ANKRD27: variants seen among roughly 807,000 people sequenced by gnomAD.
ANKRD27 encodes the protein ankyrin repeat domain-containing protein 27.
Under a neutral mutation model 129.7 loss-of-function variants are expected in ANKRD27, and 112 were observed. That is an observed-to-expected ratio of 0.86 (90% confidence interval 0.74 to 1.01). The LOEUF (loss-of-function observed/expected upper bound fraction) is 1.01. ANKRD27 is among the 50% of genes least tolerant of loss of function. The pLI is 0.00. For missense variants in ANKRD27, 1,258 were observed against 1,300.5 expected, an observed-to-expected ratio of 0.97 and a Z score of 0.50; for synonymous variants, 516 against 511.2, an observed-to-expected ratio of 1.01 and a Z score of -0.13.
intron 1 of ANKRD27, among the ~76,000 whole-genome samples, chr19:32,663,784 T>A (rs259263): frequency 6.6e-6 from 1 of 151,886 alleles, no homozygotes; most frequent in African/African-American, 2.4e-5. Flanking sequence ...GGGCCGGGTG[T>A]GGTGGCTCAC....
chr19:32,649,653 C>A (rs1429692341), intron 3 of ANKRD27, 29 bp downstream of exon 3: 1 of 1,484,536 alleles, frequency 6.7e-7, no homozygotes, highest in African/African-American at 1.4e-5. Context: ...GAGTAGGTGA[C>A]CCTGGCTGAT....
intron 17 of ANKRD27, among the ~76,000 whole-genome samples, chr19:32,622,860 C>A (rs1158570943): frequency 1.3e-5 from 2 of 152,012 alleles, no homozygotes; most frequent in African/African-American, 2.4e-5. Context: ...TCACTGCAGC[C>A]TTGAACTCCT....
intron 20 of ANKRD27, among the ~76,000 whole-genome samples, chr19:32,618,076 T>C (rs60968670): frequency 0.53 from 80,749 of 151,568 alleles, 21,908 homozygotes; most frequent in Non-Finnish European, 0.57. Context: ...ATCCTGTAAA[T>C]GTGTCCCTAA....
intron 13 of ANKRD27, 131 bp downstream of exon 13, chr19:32,631,271 G>T: frequency 1.3e-6 from 1 of 776,898 alleles, no homozygotes; most frequent in Non-Finnish European, 2.1e-6. Flanking sequence ...CACCCACCTC[G>T]GCCTCCCAAA....
chr19:32,608,170 A>ATTTT (rs3042665), intron 22 of ANKRD27, among the ~76,000 whole-genome samples: 1 of 140,226 alleles, frequency 7.1e-6, no homozygotes, highest in African/African-American at 2.8e-5. Context: ...TGCCCAGCTA[A>ATTTT]TTTTTTTTTT....
At chr19:32,623,763 C>G (rs1178803321) in intron 17 of ANKRD27, among the ~76,000 whole-genome samples, 1 of 151,954 alleles carries the variant, frequency 6.6e-6, no homozygotes, top group African/African-American at 2.4e-5. Flanking sequence ...GTTGGCCAGG[C>G]TGGTCTTGAA....
chr19:32,644,890 T>G (rs1007427407), intron 4 of ANKRD27, among the ~76,000 whole-genome samples: 1 of 152,186 alleles, frequency 6.6e-6, no homozygotes, highest in Non-Finnish European at 1.5e-5. Context: ...GGCTACTGCT[T>G]TGCATAACTC....
In ANKRD27 at chr19:32,643,463, C is replaced by A. The variant is rs761427536; in HGVS notation, c.607G>T (p.Ala203Ser). 1.2e-6 allele frequency: 2 copies of A among 1,613,800 alleles called. No individual in the cohort carries two copies. Among genetic ancestry groups the A allele is most frequent in the Admixed American group, 3.3e-5 (2 of 59,938 alleles). The change falls in exon 7 of 29, where the codon GCC becomes TCC. Residue 203 changes from alanine to serine, a missense_variant. Ala to Ser is a moderately conservative substitution (Grantham distance 99, BLOSUM62 1). Transcript: ENST00000306065. ...GCCTGCTTCATCAGGTTCATCTGGG[C>A]CTCCTGCTTGGCGAGCATTTTCTAG... is the stretch of plus-strand genomic sequence containing the variant. ...SHLKMLAKQE[A>S]QMNLMKQAVE...
chr19:32,638,322 T>G (rs1392130594), intron 12 of ANKRD27: 3 of 152,260 alleles, frequency 2.0e-5, no homozygotes, highest in African/African-American at 7.2e-5. Context: ...CAGGCCTCTT[T>G]AACTCGTCAG....
Position 32,597,876 on chromosome 19 carries a change from C to G in ANKRD27, c.*269G>C. On this transcript the variant is annotated 3_prime_UTR_variant, in exon 29 of 29. Transcript: ENST00000306065. Reference sequence around the variant, plus strand: ...ACAAACCCTCATACTTAAAAAGAAGCATGCACCTCTGGCTTAAGGATCTGG... The same window carrying G: ...ACAAACCCTCATACTTAAAAAGAAGGATGCACCTCTGGCTTAAGGATCTGG... 1 of 502,452 alleles carries G rather than the reference C, an allele frequency of 2.0e-6. No homozygotes were observed. Among genetic ancestry groups the G allele is most frequent in the Non-Finnish European group, 3.6e-6 (1 of 277,066 alleles). 31.1% of individuals were successfully genotyped at this position (502,452 alleles called of 1,614,324 possible).
intron 17 of ANKRD27, among the ~76,000 whole-genome samples, chr19:32,624,674 C>T (rs1323042121): frequency 6.6e-6 from 1 of 152,214 alleles, no homozygotes; most frequent in African/African-American, 2.4e-5. Flanking sequence ...GAAATGGTGG[C>T]TCATGCCTGT....
At chr19:32,674,629 C>T (rs939810654) in intron 1 of ANKRD27, among the ~76,000 whole-genome samples, 6 of 152,116 alleles carry the variant, frequency 3.9e-5, no homozygotes, top group African/African-American at 1.4e-4. Flanking sequence ...GCCCTCATCA[C>T]CCCCCGGAAA....
intron 22 of ANKRD27, 122 bp from the exon 23 acceptor site, chr19:32,607,954 G>T: frequency 9.7e-7 from 1 of 1,033,516 alleles, no homozygotes; most frequent in Non-Finnish European, 1.4e-6. Flanking sequence ...GCGGGATCCA[G>T]GATGGATTCC....
At chr19:32,649,643 G>A (rs763849806) in intron 3 of ANKRD27, 39 bp downstream of exon 3, 23 of 1,397,932 alleles carry the variant, frequency 1.6e-5, no homozygotes, top group Admixed American at 5.0e-5. Flanking sequence ...CCCAAACACC[G>A]AGTAGGTGAC....
intron 22 of ANKRD27, among the ~76,000 whole-genome samples, chr19:32,613,284 G>C (rs1399160136): frequency 6.6e-6 from 1 of 152,154 alleles, no homozygotes; most frequent in Non-Finnish European, 1.5e-5. Context: ...ACCCAGTGCT[G>C]GGGAGGACGA....
intron 12 of ANKRD27, among the ~76,000 whole-genome samples, chr19:32,635,807 T>C (rs1044459427): frequency 6.6e-6 from 1 of 152,168 alleles, no homozygotes; most frequent in Non-Finnish European, 1.5e-5. Context: ...CTGAATACTG[T>C]CAACGAGTAC....
intron 13 of ANKRD27, among the ~76,000 whole-genome samples, chr19:32,629,473 G>C (rs933131366): frequency 5.9e-5 from 9 of 152,158 alleles, no homozygotes; most frequent in Non-Finnish European, 1.0e-4. Flanking sequence ...GCCAAGGCAG[G>C]TGGCTCATTT....
intron 26 of ANKRD27, among the ~76,000 whole-genome samples, chr19:32,601,571 T>C (rs7246571): frequency 0.65 from 92,871 of 142,638 alleles, 29,992 homozygotes; most frequent in Middle Eastern, 0.78. Flanking sequence ...GAGATCACAC[T>C]ACTGCACTCC....
At position 32,649,752 on chromosome 19, in the gene ANKRD27, T is replaced by C. The variant is rs762739532; in HGVS notation, c.143A>G (p.Gln48Arg). 6 of 1,613,958 alleles carry C rather than the reference T, an allele frequency of 3.7e-6. No homozygotes were observed. Among genetic ancestry groups the C allele is most frequent in the Non-Finnish European group, 4.2e-6 (5 of 1,180,014 alleles). Reference protein sequence around the residue: ...PCKGSLSSSIQSTCQFESYIL... With the variant: ...PCKGSLSSSIRSTCQFESYIL... ...GTAGGACTCAAACTGACAAGTAGACTGGATGCTGCTCGACAGGCTTCCTTT... is the reference window on the plus strand; with the variant it reads ...GTAGGACTCAAACTGACAAGTAGACCGGATGCTGCTCGACAGGCTTCCTTT... The change falls in exon 3 of 29, where the codon CAG becomes CGG. Residue 48 changes from glutamine (Q) to arginine (R), a missense_variant. Gln to Arg is a conservative substitution (Grantham distance 43). Coordinates refer to ENST00000306065, the MANE Select transcript of ANKRD27 (RefSeq NM_032139.3).
Sources: gnomAD v4.1 joint callset for allele counts (sites outside exome capture counted in the v4.1 genomes callset) on GRCh38, gnomAD v4.1.1 for gene constraint, MANE v1.5 for transcripts, NCBI Gene and HGNC (gene_info 2026-07-23, HGNC 2026-07-21) for gene names.